Variants in NAE1 observed in about 807,000 individuals in gnomAD.
The protein encoded by NAE1 is NEDD8-activating enzyme E1 regulatory subunit.
In NAE1, 59 loss-of-function variants were observed where a neutral mutation model predicts 88.0. The ratio of observed to expected loss-of-function variants is 0.67; its 90% CI spans 0.54 to 0.83. The LOEUF is 0.83. Ranked by LOEUF, NAE1 falls within the 40% of genes least tolerant of loss-of-function variation. The pLI is 0.00. For synonymous variants in NAE1, 186 were observed against 208.9 expected, an observed-to-expected ratio of 0.89 and a Z score of 0.95; for missense variants, 554 against 632.8, an observed-to-expected ratio of 0.88 and a Z score of 1.34.
intron 6 of NAE1, among the ~76,000 whole-genome samples, chr16:66,822,472 G>C (rs1960303268): frequency 6.6e-6 from 1 of 151,948 alleles, no homozygotes; most frequent in Non-Finnish European, 1.5e-5. Context: ...TTGGGAGACT[G>C]AGGCACGAGA....
chr16:66,821,489 G>A lies in NAE1; in HGVS notation c.472C>T (p.Leu158=), dbSNP rs1305987418. 8.1e-6 allele frequency: 13 copies of A among 1,602,262 alleles called. No homozygotes were observed. The highest frequency in any genetic ancestry group is 1.1e-5 in the Non-Finnish European group (13 of 1,175,202). ...ATAATGATCCTCATATAACCAACTA[G>A]TCCATATGTCCTACAGATCAAAAGA... ...IPLLICRTYG[L]VGYMRIIIKE... The change falls in exon 7 of 20, where the codon CTA becomes TTA. Residue 158 remains leucine, a synonymous_variant. Coordinates refer to ENST00000290810, the MANE Select transcript of NAE1 (RefSeq NM_003905.4).
chr16:66,812,127 C>A (rs1567489810), intron 13 of NAE1, among the ~76,000 whole-genome samples: 1 of 152,096 alleles, frequency 6.6e-6, no homozygotes, highest in Non-Finnish European at 1.5e-5. Flanking sequence ...ATTCATCAAA[C>A]CTTCATGGTT....
At chr16:66,811,567 CACT>C (rs771684687) in intron 13 of NAE1, among the ~76,000 whole-genome samples, 5 of 151,920 alleles carry the variant, frequency 3.3e-5, no homozygotes, top group Non-Finnish European at 5.9e-5. Flanking sequence ...GTATCTATAC[CACT>C]GAGACAGACC....
intron 13 of NAE1, 21 bp from the exon 14 acceptor site, chr16:66,810,793 AT>A: frequency 1.9e-6 from 3 of 1,602,676 alleles, no homozygotes; most frequent in Non-Finnish European, 1.7e-6. Context: ...ATAAAAAGCA[AT>A]TACTAACAAA....
chr16:66,822,670 A>ATTTT lies in NAE1; in HGVS notation c.401+556_401+557insAAAA, dbSNP rs1254929271. On this transcript the variant is annotated intron_variant, in intron 6 of 19. Coordinates refer to ENST00000290810, the MANE Select transcript of NAE1 (RefSeq NM_003905.4). ...ATTTCTTTTATTTATTTATTTATTT[A>ATTTT]TTTATTTTTTTTTTTTGAGACAGAG... is the stretch of plus-strand genomic sequence containing the variant. 9.1e-5 allele frequency among the ~76,000 whole-genome samples: 13 copies of ATTTT among 142,682 alleles called. 1 individual carries two copies. Among genetic ancestry groups the ATTTT allele is most frequent in the East Asian group, 4.2e-4 (2 of 4,762 alleles). The allele number at this position is 142,682 out of a possible 152,430, so 93.6% of individuals were successfully genotyped here.
intron 1 of NAE1, chr16:66,828,014 T>C (rs558553995): frequency 6.2e-7 from 1 of 1,613,980 alleles, no homozygotes; most frequent in Non-Finnish European, 8.5e-7. Context: ...TGAGCATCCA[T>C]CTTTCCACTC....
At position 66,830,820 on chromosome 16, in the gene NAE1, CCCTCGGCTCGGTGAG is replaced by C. The variant is rs1261554387; in HGVS notation, c.53+12_53+26del. On this transcript the variant is annotated intron_variant, in intron 1 of 19. Transcript: ENST00000290810. ...GAATGCTGGAAAGCCCGCCGGCCCG[CCCTCGGCTCGGTGAG>C]CCTCGGCTCACCTCAGCTGCCGGTC... 1.1e-4 allele frequency: 165 copies of C among 1,508,774 alleles called. No individual in the cohort carries two copies. Among genetic ancestry groups the C allele is most frequent in the Admixed American group, 1.9e-4 (9 of 48,260 alleles). 93.5% of individuals were successfully genotyped at this position (1,508,774 alleles called of 1,614,324 possible). A position where few individuals can be genotyped will look rare whatever the true frequency, so the allele number is the denominator to read the frequency against.
intron 4 of NAE1, 131 bp from the exon 5 acceptor site, chr16:66,823,731 C>T (rs1960356761): frequency 2.8e-6 from 2 of 704,852 alleles, no homozygotes; most frequent in South Asian, 4.5e-5. Flanking sequence ...AACTCTGTTT[C>T]CCTTCTTTTT....
At position 66,821,605 on chromosome 16, in the gene NAE1, T is replaced by C. The variant is rs1960264056; in HGVS notation, c.402-46A>G. 12 of 1,457,134 alleles carry C rather than the reference T, an allele frequency of 8.2e-6. No individual in the cohort carries two copies. In the East Asian group the frequency reaches 1.7e-4, roughly 20 times the overall value. The allele number at this position is 1,457,134 out of a possible 1,614,324, so 90.3% of individuals were successfully genotyped here. A position where few individuals can be genotyped will look rare whatever the true frequency, so the allele number is the denominator to read the frequency against. ...AAATATGAACATAAGCAAATGGAAA[T>C]ATGCCAAACATGAAAACATGCAAAA... On this transcript the variant is annotated intron_variant, in intron 6 of 19. Coordinates refer to ENST00000290810, the MANE Select transcript of NAE1 (RefSeq NM_003905.4).
intron 13 of NAE1, among the ~76,000 whole-genome samples, chr16:66,812,012 A>G (rs1385816095): frequency 6.6e-6 from 1 of 152,172 alleles, no homozygotes; most frequent in Admixed American, 6.5e-5. Context: ...ATTCATTGAG[A>G]CCCATCCCTG....
chr16:66,806,336 C>T (rs1372130026), intron 17 of NAE1, among the ~76,000 whole-genome samples: 2 of 152,100 alleles, frequency 1.3e-5, no homozygotes, highest in Non-Finnish European at 2.9e-5. Context: ...AAAGTAATGT[C>T]CTACTTATAC....
chr16:66,819,320 C>T (rs1385438085), intron 7 of NAE1, among the ~76,000 whole-genome samples: 2 of 152,196 alleles, frequency 1.3e-5, no homozygotes, highest in Non-Finnish European at 2.9e-5. Context: ...GCATCCTTCA[C>T]TTCTTGCTTC....
At chr16:66,813,510 A>C (rs1959905680) in intron 13 of NAE1, 54 bp downstream of exon 13, 20 of 1,524,326 alleles carry the variant, frequency 1.3e-5, no homozygotes, top group Non-Finnish European at 1.6e-5. Flanking sequence ...TAAAATGTTT[A>C]TCTCTAATAT....
rs1450095950 is a variant in NAE1, at chr16:66,817,197, A to C, written c.685-169T>G. 16 of 978,090 alleles carry C rather than the reference A, an allele frequency of 1.6e-5. No homozygotes were observed. The East Asian group carries it at 4.0e-4, about 24-fold the overall frequency. 60.6% of individuals were successfully genotyped at this position (978,090 alleles called of 1,614,324 possible). The stretch of plus-strand genomic sequence containing the variant: ...ACAGACACTGTGACCATTTATCTAC[A>C]TTCATTCCCCCTGCCAGTTTCATAA... On this transcript the variant is annotated intron_variant, in intron 9 of 19. Coordinates refer to ENST00000290810, the MANE Select transcript of NAE1 (RefSeq NM_003905.4).
At chr16:66,811,194 G>A (rs1959785117) in intron 13 of NAE1, among the ~76,000 whole-genome samples, 1 of 152,084 alleles carries the variant, frequency 6.6e-6, no homozygotes, top group Non-Finnish European at 1.5e-5. Flanking sequence ...ATCTCGCTCT[G>A]CCACCCAGGC....
rs750161772 is a variant in NAE1 at position 66,830,931 on chromosome 16, C to G, written c.-32G>C. 2 of 1,506,606 alleles carry G rather than the reference C, an allele frequency of 1.3e-6. No homozygotes were observed. Among genetic ancestry groups the G allele is most frequent in the African/African-American group, 1.5e-5 (1 of 68,962 alleles). The allele number at this position is 1,506,606 out of a possible 1,614,324, so 93.3% of individuals were successfully genotyped here. A position where few individuals can be genotyped will look rare whatever the true frequency, so the allele number is the denominator to read the frequency against. ...GCCTGCCGCGCGGAAAACAGCCGAG[C>G]CCCTGCGGAGCGCCGCCACCAGCTC... On this transcript the variant is annotated 5_prime_UTR_variant, in exon 1 of 20. Transcript: ENST00000290810.
intron 6 of NAE1, among the ~76,000 whole-genome samples, chr16:66,822,397 C>T (rs1960299483): frequency 6.6e-6 from 1 of 151,924 alleles, no homozygotes; most frequent in African/African-American, 2.4e-5. Flanking sequence ...ATGGTGAAAC[C>T]CCGTCTCTAC....
chr16:66,822,755 C>T (rs1469639877), intron 6 of NAE1, among the ~76,000 whole-genome samples: 1 of 149,398 alleles, frequency 6.7e-6, no homozygotes, highest in African/African-American at 2.4e-5. Flanking sequence ...CTGCAACCTC[C>T]ACCTCCCTGA....
At chr16:66,826,453 G>C in intron 3 of NAE1, 70 bp downstream of exon 3, 1 of 1,419,138 alleles carries the variant, frequency 7.0e-7, no homozygotes, top group Non-Finnish European at 9.9e-7. Flanking sequence ...CACCCTGACT[G>C]AGGAGGTGAA....
Sources: gnomAD v4.1 joint callset for allele counts (sites outside exome capture counted in the v4.1 genomes callset) on GRCh38, gnomAD v4.1.1 for gene constraint, MANE v1.5 for transcripts, NCBI Gene and HGNC (gene_info 2026-07-23, HGNC 2026-07-21) for gene names.